Variants in POU6F2 observed in about 807,000 individuals in gnomAD.
POU6F2 encodes the protein POU class 6 homeobox 2.
Under a neutral mutation model 71.3 loss-of-function variants are expected in POU6F2, and 31 were observed. The observed-to-expected ratio is 0.43, with a 90% CI of 0.33 to 0.59. The LOEUF is 0.59. POU6F2 is among the 20% of genes least tolerant of loss of function. POU6F2 has a pLI of 0.04. For missense variants in POU6F2, 783 were observed against 856.8 expected, an observed-to-expected ratio of 0.91 and a Z score of 1.07; for synonymous variants, 347 against 355.7, an observed-to-expected ratio of 0.98 and a Z score of 0.27.
At chr7:39,458,249 G>A (rs181672573) in intron 8 of POU6F2, among the ~76,000 whole-genome samples, 7 of 152,274 alleles carry the variant, frequency 4.6e-5, no homozygotes, top group Middle Eastern at 3.4e-3. Flanking sequence ...TGAAGGAGCA[G>A]CCAGAATCAG....
At chr7:39,040,604 A>T (rs906979092) in intron 1 of POU6F2, among the ~76,000 whole-genome samples, 1 of 151,922 alleles carries the variant, frequency 6.6e-6, no homozygotes, top group African/African-American at 2.4e-5. Flanking sequence ...AAATAGTAAT[A>T]GTGGTTATTC....
At position 39,466,615 on chromosome 7, in the gene POU6F2, G is replaced by A. The variant is rs761848594; in HGVS notation, c.*1929G>A. 1.3e-5 allele frequency: 2 copies of A among 152,182 alleles called. No homozygotes were observed. Among genetic ancestry groups the A allele is most frequent in the African/African-American group, 2.4e-5 (1 of 41,426 alleles). 9.4% of individuals were successfully genotyped at this position (152,182 alleles called of 1,614,324 possible). A position where few individuals can be genotyped will look rare whatever the true frequency, so the allele number is the denominator to read the frequency against. On this transcript the variant is annotated 3_prime_UTR_variant, in exon 10 of 10. Transcript: ENST00000518318. ...TTCCCCTAATACACTCCCTCTCCCT[G>A]GGGAGTTTGAGTTTCTTCTGTTGGC... is the stretch of plus-strand genomic sequence containing the variant.
intron 6 of POU6F2, among the ~76,000 whole-genome samples, chr7:39,414,289 G>A (rs1318675238): frequency 6.6e-6 from 1 of 152,202 alleles, no homozygotes; most frequent in African/African-American, 2.4e-5. Flanking sequence ...GCTGTTTTGA[G>A]GGCACACACC....
intron 4 of POU6F2, among the ~76,000 whole-genome samples, chr7:39,271,084 G>C (rs1784331582): frequency 6.6e-6 from 1 of 152,136 alleles, no homozygotes; most frequent in Admixed American, 6.5e-5. Flanking sequence ...ACCCAACCAC[G>C]ACCAGCAGCC....
At chr7:39,015,753 A>T (rs1341545643) in intron 1 of POU6F2, among the ~76,000 whole-genome samples, 1 of 76,752 alleles carries the variant, frequency 1.3e-5, no homozygotes, top group African/African-American at 5.5e-5. Context: ...ATTATATATT[A>T]TATATAGATA....
chr7:39,175,206 T>A (rs1477086928), intron 2 of POU6F2, among the ~76,000 whole-genome samples: 1 of 152,212 alleles, frequency 6.6e-6, no homozygotes, highest in Admixed American at 6.5e-5. Flanking sequence ...TATTAAACAC[T>A]GATAACTCCA....
chr7:39,412,726 T>G (rs1460147174), intron 6 of POU6F2, among the ~76,000 whole-genome samples: 3 of 149,680 alleles, frequency 2.0e-5, no homozygotes, highest in Non-Finnish European at 4.4e-5. Flanking sequence ...GCACTCTTGT[T>G]TAACCACCTA....
intron 4 of POU6F2, among the ~76,000 whole-genome samples, chr7:39,289,362 C>T (rs1397973747): frequency 6.6e-6 from 1 of 152,226 alleles, no homozygotes; most frequent in Non-Finnish European, 1.5e-5. Context: ...ATTTTCAAGT[C>T]AAACTGTTAG....
intron 2 of POU6F2, among the ~76,000 whole-genome samples, chr7:39,192,440 T>A (rs1350625822): frequency 1.3e-5 from 2 of 152,326 alleles, no homozygotes; most frequent in South Asian, 4.1e-4. Flanking sequence ...GCCAGACTCT[T>A]ATCTTCATGG....
At chr7:39,315,644 C>T (rs1378139501) in intron 4 of POU6F2, among the ~76,000 whole-genome samples, 1 of 152,164 alleles carries the variant, frequency 6.6e-6, no homozygotes, top group Non-Finnish European at 1.5e-5. Flanking sequence ...TTATTCCGTT[C>T]CCCTTTCTCC....
At chr7:39,060,130 C>T (rs967623032) in intron 1 of POU6F2, among the ~76,000 whole-genome samples, 3 of 152,054 alleles carry the variant, frequency 2.0e-5, no homozygotes, top group African/African-American at 7.2e-5. Context: ...ATCGCTTGAA[C>T]CCAGGAGGCA....
chr7:39,136,367 T>A (rs763026359), intron 2 of POU6F2, among the ~76,000 whole-genome samples: 22 of 152,170 alleles, frequency 1.4e-4, no homozygotes, highest in Non-Finnish European at 2.6e-4. Context: ...AACTGCAAGG[T>A]ACCGTCTCAA....
At chr7:39,070,365 A>G (rs887605946) in intron 1 of POU6F2, among the ~76,000 whole-genome samples, 1 of 150,228 alleles carries the variant, frequency 6.7e-6, no homozygotes, top group African/African-American at 2.5e-5. Context: ...TTAAACTACC[A>G]GGCATCTCCC....
chr7:39,274,396 T>C (rs534817664), intron 4 of POU6F2, among the ~76,000 whole-genome samples: 14 of 149,474 alleles, frequency 9.4e-5, no homozygotes, highest in Admixed American at 2.7e-4. Flanking sequence ...TCTGAAATTG[T>C]GGCAATAATC....
chr7:39,436,074 T>C (rs952758656), intron 7 of POU6F2, among the ~76,000 whole-genome samples: 1 of 152,226 alleles, frequency 6.6e-6, no homozygotes, highest in African/African-American at 2.4e-5. Flanking sequence ...CCAGTTTTGT[T>C]CTTTTTGCTT....
intron 1 of POU6F2, among the ~76,000 whole-genome samples, chr7:39,045,798 T>C (rs1279352843): frequency 6.6e-6 from 1 of 151,920 alleles, no homozygotes; most frequent in Non-Finnish European, 1.5e-5. Context: ...GACATTTTAC[T>C]AATCCATTTT....
At chr7:39,441,255 T>G (rs1234999526) in intron 7 of POU6F2, among the ~76,000 whole-genome samples, 1 of 151,074 alleles carries the variant, frequency 6.6e-6, no homozygotes, top group Non-Finnish European at 1.5e-5. Flanking sequence ...AGAAAATAAC[T>G]CTGATAGCAC....
intron 4 of POU6F2, among the ~76,000 whole-genome samples, chr7:39,230,435 G>A (rs1794553767): frequency 6.6e-6 from 1 of 151,364 alleles, no homozygotes; most frequent in African/African-American, 2.4e-5. Context: ...AGTGAGCTAT[G>A]ATCACACCAC....
chr7:39,418,645 G>A (rs1390483602), intron 6 of POU6F2, among the ~76,000 whole-genome samples: 2 of 150,770 alleles, frequency 1.3e-5, no homozygotes, highest in African/African-American at 2.4e-5. Flanking sequence ...AGCTGAGATC[G>A]CACCATTGCA....
Sources: gnomAD v4.1 joint callset for allele counts (sites outside exome capture counted in the v4.1 genomes callset) on GRCh38, gnomAD v4.1.1 for gene constraint, MANE v1.5 for transcripts, NCBI Gene and HGNC (gene_info 2026-07-23, HGNC 2026-07-21) for gene names.